Variants in ANKS1B observed in about 807,000 individuals in gnomAD.
ANKS1B encodes ankyrin repeat and sterile alpha motif domain containing 1B.
Under a neutral mutation model 148.3 loss-of-function variants are expected in ANKS1B, and 36 were observed. The observed-to-expected ratio is 0.24, with a 90% confidence interval of 0.19 to 0.32. The LOEUF is 0.32. ANKS1B is among the 10% of genes least tolerant of loss of function. The pLI is 1.00. For missense variants in ANKS1B, 1,157 were observed against 1,542.6 expected (o/e 0.75, Z 4.19); for synonymous variants, 542 against 560.8 (o/e 0.97, Z 0.47).
At chr12:99,174,849 T>C (rs1038544077) in intron 14 of ANKS1B, among the ~76,000 whole-genome samples, 4 of 152,210 alleles carry the variant, frequency 2.6e-5, no homozygotes, top group African/African-American at 9.6e-5. Flanking sequence ...TGAACTAATA[T>C]ACTACATCAT....
chr12:98,880,144 A>G (rs1481537363), intron 17 of ANKS1B, among the ~76,000 whole-genome samples: 1 of 152,242 alleles, frequency 6.6e-6, no homozygotes, highest in East Asian at 1.9e-4. Context: ...TGAAAGTTTT[A>G]TCTCCCATGG....
chr12:99,284,484 C>A (rs1299833501), intron 12 of ANKS1B, among the ~76,000 whole-genome samples: 2 of 152,120 alleles, frequency 1.3e-5, no homozygotes, highest in Non-Finnish European at 2.9e-5. Context: ...TAAAATTATC[C>A]AAATCTAGAT....
chr12:99,459,360 G>A (rs879879632), intron 10 of ANKS1B, among the ~76,000 whole-genome samples: 5 of 152,034 alleles, frequency 3.3e-5, no homozygotes, highest in Non-Finnish European at 7.4e-5. Context: ...AGACAAGGAT[G>A]CCCACTTTCA....
chr12:99,830,609 T>C (rs541448738), intron 1 of ANKS1B, among the ~76,000 whole-genome samples: 6 of 139,564 alleles, frequency 4.3e-5, no homozygotes, highest in African/African-American at 1.3e-4. Flanking sequence ...CAGTCATACA[T>C]ATAGGAATAA....
chr12:99,751,121 A>G (rs554855091), intron 8 of ANKS1B, among the ~76,000 whole-genome samples: 32 of 139,518 alleles, frequency 2.3e-4, no homozygotes, highest in African/African-American at 8.3e-4. Flanking sequence ...TATTTTTTGA[A>G]ATTTATTTCT....
chr12:99,624,421 C>T (rs544706760), intron 9 of ANKS1B, among the ~76,000 whole-genome samples: 33 of 152,152 alleles, frequency 2.2e-4, no homozygotes, highest in Non-Finnish European at 3.7e-4. Flanking sequence ...AATTAAAGAG[C>T]TTCTGCAGGG....
Position 99,423,032 on chromosome 12 carries a change from C to A in ANKS1B, c.1575+20641G>T, listed in dbSNP as rs139477393. Among the ~76,000 whole-genome samples the A allele has an allele frequency of 1.8e-3, 276 of 152,174 alleles. 1 individual carries two copies. Among genetic ancestry groups the A allele is most frequent in the African/African-American group, 6.3e-3 (263 of 41,526 alleles). On this transcript the variant is annotated intron_variant, in intron 11 of 26. Transcript: ENST00000683438. Reference sequence around the variant, plus strand: ...TGAGGTAATTCCTTGTTGATGACTTCCAGTTTCTCTGGAAAGTGAGGATTA... The same window carrying A: ...TGAGGTAATTCCTTGTTGATGACTTACAGTTTCTCTGGAAAGTGAGGATTA...
chr12:99,115,485 G>A (rs888414922), intron 15 of ANKS1B, among the ~76,000 whole-genome samples: 8 of 152,152 alleles, frequency 5.3e-5, no homozygotes, highest in African/African-American at 1.9e-4. Context: ...ATGGTTGGGA[G>A]AAGGGAGAAG....
intron 12 of ANKS1B, among the ~76,000 whole-genome samples, chr12:99,270,371 C>G (rs2076909751): frequency 6.6e-6 from 1 of 152,184 alleles, no homozygotes; most frequent in African/African-American, 2.4e-5. Flanking sequence ...AGCCCTCACC[C>G]CACCTACTAC....
In ANKS1B at chr12:99,510,145, C is replaced by A. The variant is rs901398423; in HGVS notation, c.1273-5504G>T. On this transcript the variant is annotated intron_variant, in intron 9 of 26. Coordinates refer to ENST00000683438, the MANE Select transcript of ANKS1B (RefSeq NM_001352186.2). The stretch of plus-strand genomic sequence containing the variant: ...TATTCATTGACAAAGCCACAGATCA[C>A]CCAAGAGCTCTGATAGAGCTGTACG... 3.3e-5 allele frequency among the ~76,000 whole-genome samples: 5 copies of A among 152,090 alleles called. No individual in the cohort carries two copies. The South Asian group carries it at 1.0e-3, about 32-fold the overall frequency.
intron 19 of ANKS1B, among the ~76,000 whole-genome samples, chr12:98,810,673 C>T (rs1347734655): frequency 6.6e-6 from 1 of 152,228 alleles, no homozygotes; most frequent in African/African-American, 2.4e-5. Context: ...GGTCCAAACA[C>T]CAAAAAGTTG....
intron 12 of ANKS1B, among the ~76,000 whole-genome samples, chr12:99,351,546 T>C (rs2152387511): frequency 6.6e-6 from 1 of 152,138 alleles, no homozygotes; most frequent in South Asian, 2.1e-4. Flanking sequence ...AACTTCTAAG[T>C]CATGTAAGCA....
At chr12:99,801,161 T>C (rs901139318) in intron 4 of ANKS1B, among the ~76,000 whole-genome samples, 3 of 152,152 alleles carry the variant, frequency 2.0e-5, no homozygotes, top group African/African-American at 4.8e-5. Context: ...ACCAACATGA[T>C]GCAAGCAGAG....
intron 9 of ANKS1B, among the ~76,000 whole-genome samples, chr12:99,617,843 A>G (rs1006196912): frequency 3.3e-5 from 5 of 152,166 alleles, no homozygotes; most frequent in South Asian, 2.1e-4. Flanking sequence ...ACAAATATAC[A>G]TAAACATAGA....
At chr12:99,065,470 T>C (rs2043813024) in intron 16 of ANKS1B, among the ~76,000 whole-genome samples, 1 of 152,204 alleles carries the variant, frequency 6.6e-6, no homozygotes, top group Non-Finnish European at 1.5e-5. Flanking sequence ...CACAAATGAA[T>C]GACTTATGTT....
intron 12 of ANKS1B, among the ~76,000 whole-genome samples, chr12:99,323,947 T>C (rs1203685136): frequency 6.6e-6 from 1 of 152,202 alleles, no homozygotes; most frequent in Non-Finnish European, 1.5e-5. Context: ...CATTTGTTTT[T>C]TGAGGGCGAT....
chr12:98,765,235 T>C (rs1228499373), intron 25 of ANKS1B, among the ~76,000 whole-genome samples: 1 of 152,196 alleles, frequency 6.6e-6, no homozygotes, highest in African/African-American at 2.4e-5. Context: ...TAATCTCTAT[T>C]TTACAGATTA....
At chr12:99,651,006 GATAC>G (rs2098415740) in intron 9 of ANKS1B, among the ~76,000 whole-genome samples, 1 of 152,054 alleles carries the variant, frequency 6.6e-6, no homozygotes, top group African/African-American at 2.4e-5. Context: ...AAAGATATTT[GATAC>G]ATGTTTGCTG....
intron 8 of ANKS1B, among the ~76,000 whole-genome samples, chr12:99,727,495 CA>C (rs2058727903): frequency 6.6e-6 from 1 of 152,154 alleles, no homozygotes; most frequent in East Asian, 1.9e-4. Flanking sequence ...AGAGAGGACA[CA>C]AACAAATGGA....
Sources: gnomAD v4.1 joint callset for allele counts (sites outside exome capture counted in the v4.1 genomes callset) on GRCh38, gnomAD v4.1.1 for gene constraint, MANE v1.5 for transcripts, NCBI Gene and HGNC (gene_info 2026-07-23, HGNC 2026-07-21) for gene names.